ADAMTSL1: variants seen among roughly 807,000 people sequenced by gnomAD.
ADAMTSL1 encodes the protein ADAMTS-like protein 1.
Under a neutral mutation model 201.8 loss-of-function variants are expected in ADAMTSL1, and 126 were observed. That is an observed-to-expected ratio of 0.62 (90% CI 0.54 to 0.72). ADAMTSL1 has a LOEUF of 0.72. ADAMTSL1 is among the 30% of genes least tolerant of loss of function. ADAMTSL1 has a pLI of 0.00. For missense variants in ADAMTSL1, 2,679 were observed against 2,277.8 expected, an observed-to-expected ratio of 1.18 and a Z score of -3.59; for synonymous variants, 1,121 against 903.4, an observed-to-expected ratio of 1.24 and a Z score of -4.32.
intron 2 of ADAMTSL1, among the ~76,000 whole-genome samples, chr9:18,427,073 C>T (rs1363638959): frequency 6.6e-6 from 1 of 152,188 alleles, no homozygotes; most frequent in Non-Finnish European, 1.5e-5. Flanking sequence ...TTGATGCTTC[C>T]ATGATTATCA....
chr9:18,125,184 A>G (rs1234778228), intron 1 of ADAMTSL1, among the ~76,000 whole-genome samples: 1 of 152,170 alleles, frequency 6.6e-6, no homozygotes, highest in Non-Finnish European at 1.5e-5. Context: ...TCATGGTGGA[A>G]GGCAAGGAGG....
chr9:18,098,476 T>G (rs1179838702), intron 1 of ADAMTSL1, among the ~76,000 whole-genome samples: 1 of 152,222 alleles, frequency 6.6e-6, no homozygotes, highest in Non-Finnish European at 1.5e-5. Context: ...TAAATTTATT[T>G]CAAAGCTATT....
intron 1 of ADAMTSL1, among the ~76,000 whole-genome samples, chr9:17,951,337 T>C (rs1448662122): frequency 1.3e-5 from 2 of 152,138 alleles, no homozygotes; most frequent in Non-Finnish European, 2.9e-5. Context: ...TTCTCCGGAG[T>C]GTCCATGTAG....
intron 1 of ADAMTSL1, among the ~76,000 whole-genome samples, chr9:18,142,207 AG>A (rs1446966388): frequency 1.3e-5 from 2 of 152,146 alleles, no homozygotes; most frequent in East Asian, 3.9e-4. Context: ...GAGTCTGGAG[AG>A]AACAGCTGCT....
chr9:18,809,021 C>T (rs1017155923), intron 20 of ADAMTSL1, among the ~76,000 whole-genome samples: 2 of 152,192 alleles, frequency 1.3e-5, no homozygotes, highest in Non-Finnish European at 2.9e-5. Flanking sequence ...TATTGAGAAT[C>T]TACTAGGCGC....
At chr9:18,393,674 G>T (rs1292647972) in intron 2 of ADAMTSL1, among the ~76,000 whole-genome samples, 2 of 152,210 alleles carry the variant, frequency 1.3e-5, no homozygotes, top group Non-Finnish European at 2.9e-5. Flanking sequence ...TTGGGTCAAA[G>T]TGATGTTGGG....
chr9:18,647,065 G>T (rs1448443980), intron 7 of ADAMTSL1, among the ~76,000 whole-genome samples: 2 of 152,106 alleles, frequency 1.3e-5, no homozygotes, highest in Non-Finnish European at 2.9e-5. Flanking sequence ...CACAATTTCA[G>T]ATCCTGTTAT....
At chr9:18,056,535 A>C (rs1470848803) in intron 1 of ADAMTSL1, among the ~76,000 whole-genome samples, 5 of 152,132 alleles carry the variant, frequency 3.3e-5, no homozygotes, top group African/African-American at 1.2e-4. Flanking sequence ...GGTATAAACA[A>C]CACATAGGGA....
intron 25 of ADAMTSL1, among the ~76,000 whole-genome samples, chr9:18,891,542 T>C (rs1242864157): frequency 6.6e-6 from 1 of 152,246 alleles, no homozygotes; most frequent in Non-Finnish European, 1.5e-5. Context: ...CAGGTGGGCT[T>C]TGTGAGAAAA....
intron 2 of ADAMTSL1, among the ~76,000 whole-genome samples, chr9:18,416,068 A>G (rs918809098): frequency 6.6e-6 from 1 of 152,108 alleles, no homozygotes; most frequent in Non-Finnish European, 1.5e-5. Flanking sequence ...TCCAAGCAAA[A>G]TAAAAATTAT....
rs558380968 is a variant in ADAMTSL1 at position 18,537,915 on chromosome 9, A to G, written c.237+4623A>G. On this transcript the variant is annotated intron_variant, in intron 3 of 28. Coordinates refer to ENST00000380548, the MANE Select transcript of ADAMTSL1 (RefSeq NM_001040272.6). ...AAAAGAAGAAAGAAGAAGAAGAAGAAGAGAAGAAAGAAGAAGAGGAGGAAG... is the reference window on the plus strand; with the variant it reads ...AAAAGAAGAAAGAAGAAGAAGAAGAGGAGAAGAAAGAAGAAGAGGAGGAAG... Among the ~76,000 whole-genome samples the G allele has an allele frequency of 6.1e-3, 906 of 149,746 alleles. 4 individuals are homozygous for G. The highest frequency in any genetic ancestry group is 0.01 in the Non-Finnish European group (686 of 67,314).
intron 2 of ADAMTSL1, among the ~76,000 whole-genome samples, chr9:18,180,660 T>G (rs935774201): frequency 9.9e-5 from 15 of 151,718 alleles, no homozygotes; most frequent in African/African-American, 3.4e-4. Context: ...GGAAGAACAT[T>G]CCATGCTCAT....
Position 18,118,912 on chromosome 9 carries a change from C to A in ADAMTSL1, c.88-44950C>A, listed in dbSNP as rs374984938. 3.9e-5 allele frequency among the ~76,000 whole-genome samples: 6 copies of A among 152,154 alleles called. No individual in the cohort carries two copies. The East Asian group carries it at 5.8e-4, about 15-fold the overall frequency. On this transcript the variant is annotated intron_variant, in intron 1 of 29. Coordinates refer to the ADAMTSL1 transcript ENST00000680146. Reference sequence around the variant, plus strand: ...AGCATGTGATTTCCACTTAACCAGTCCCTTGACTTTTAAATTCATAGTATT... The same window carrying A: ...AGCATGTGATTTCCACTTAACCAGTACCTTGACTTTTAAATTCATAGTATT...
At chr9:17,995,933 C>G (rs1819358671) in intron 1 of ADAMTSL1, among the ~76,000 whole-genome samples, 1 of 152,046 alleles carries the variant, frequency 6.6e-6, no homozygotes, top group Non-Finnish European at 1.5e-5. Context: ...ATGACACAGT[C>G]CGTATAGCTA....
chr9:18,844,620 G>T (rs142548515), intron 23 of ADAMTSL1, among the ~76,000 whole-genome samples: 2 of 152,186 alleles, frequency 1.3e-5, no homozygotes, highest in African/African-American at 2.4e-5. Flanking sequence ...CTTTTTGTTT[G>T]TCTGTGCCCT....
chr9:18,524,063 C>G (rs1469743595), intron 2 of ADAMTSL1, among the ~76,000 whole-genome samples: 1 of 150,122 alleles, frequency 6.7e-6, no homozygotes, highest in African/African-American at 2.5e-5. Flanking sequence ...ATTGATTCTT[C>G]CTACCCATGA....
intron 21 of ADAMTSL1, among the ~76,000 whole-genome samples, chr9:18,825,771 G>GTT (rs58274847): frequency 7.6e-5 from 11 of 143,856 alleles, no homozygotes; most frequent in Non-Finnish European, 1.1e-4. Flanking sequence ...ATGTTACCAG[G>GTT]TTTTTTTTTT....
In ADAMTSL1 at chr9:18,681,941, C is replaced by T. The variant is rs767979756; in HGVS notation, c.1471C>T (p.Pro491Ser). Residue 491 changes from proline to serine, a missense_variant, in exon 12 of 29, where the codon CCC becomes TCC. By Grantham distance (74) the Pro-to-Ser change is moderately conservative. Coordinates refer to ENST00000380548, the MANE Select transcript of ADAMTSL1 (RefSeq NM_001040272.6). ...AAAAGAGGAATGCATCGTACCCACT[C>T]CCTGCTATAAACCCAAAGGTAACTT... The part of the protein sequence containing the change: ...HIKEECIVPT[P>S]CYKPKEKLPV... The T allele has an allele frequency of 6.2e-7, 1 of 1,613,996 alleles. No homozygotes were observed. The highest frequency in any genetic ancestry group is 2.2e-5 in the East Asian group (1 of 44,894).
chr9:18,351,052 C>G (rs186399617), intron 2 of ADAMTSL1, among the ~76,000 whole-genome samples: 1 of 152,006 alleles, frequency 6.6e-6, no homozygotes, highest in Non-Finnish European at 1.5e-5. Context: ...TTTGTAACCT[C>G]GTTACAATGA....
Sources: allele counts gnomAD v4.1 joint callset (sites outside exome capture counted in the v4.1 genomes callset), GRCh38; gene constraint gnomAD v4.1.1; transcripts MANE v1.5; gene names NCBI Gene and HGNC (gene_info 2026-07-23, HGNC 2026-07-21).